The following TSHZ2 variants were observed in gnomAD, a reference collection of about 807,000 sequenced individuals.
The protein encoded by TSHZ2 is teashirt zinc finger homeobox 2.
In TSHZ2, 21 loss-of-function variants were observed where a neutral mutation model predicts 74.4. The ratio of observed to expected loss-of-function variants is 0.28; its 90% CI spans 0.20 to 0.41. The LOEUF (loss-of-function observed/expected upper bound fraction) is 0.41. Among genes scored for constraint, TSHZ2 ranks in the 10% least tolerant of loss-of-function variants. The pLI, the probability that TSHZ2 is intolerant of heterozygous loss-of-function variation, is 1.00. For missense variants in TSHZ2, 1,244 were observed against 1,293.5 expected (o/e 0.96, Z 0.59); for synonymous variants, 540 against 515.3 (o/e 1.05, Z -0.65).
At position 53,161,022 on chromosome 20, in the gene TSHZ2, G is replaced by C. The variant is rs543548110; in HGVS notation, c.41-92477G>C. ...AGCAAATACAGAGGGGAAAGAAACAGCAAAATGTTTGGGGTTTTTTGTTTG... is the reference window on the plus strand; with the variant it reads ...AGCAAATACAGAGGGGAAAGAAACACCAAAATGTTTGGGGTTTTTTGTTTG... On this transcript the variant is annotated intron_variant, in intron 1 of 2. Transcript: ENST00000371497. Among the ~76,000 whole-genome samples the C allele has an allele frequency of 3.3e-4, 41 of 125,620 alleles. 1 individual carries two copies. Among genetic ancestry groups the C allele is most frequent in the African/African-American group, 1.5e-3 (40 of 26,070 alleles). 82.4% of individuals were successfully genotyped at this position (125,620 alleles called of 152,430 possible). A position where few individuals can be genotyped will look rare whatever the true frequency, so the allele number is the denominator to read the frequency against.
chr20:53,363,810 TCAA>T (rs1053174680), intron 2 of TSHZ2, among the ~76,000 whole-genome samples: 5 of 152,156 alleles, frequency 3.3e-5, no homozygotes, highest in Non-Finnish European at 5.9e-5. Flanking sequence ...AGACCCTGTC[TCAA>T]CAACAACATC....
chr20:53,247,060 C>T lies in TSHZ2; in HGVS notation c.41-6439C>T, dbSNP rs577667659. Among the ~76,000 whole-genome samples the T allele has an allele frequency of 3.8e-4, 58 of 152,342 alleles. 1 individual carries two copies. The highest frequency in any genetic ancestry group is 2.6e-3 in the Admixed American group (40 of 15,306). ...TGGCCCCCCATCACTGTACCCACGC[C>T]ATCTCCAGCAGTGCTTTAAACAAAG... is the stretch of plus-strand genomic sequence containing the variant. On this transcript the variant is annotated intron_variant, in intron 1 of 2. Coordinates refer to ENST00000371497, the MANE Select transcript of TSHZ2 (RefSeq NM_173485.6).
At chr20:53,230,883 CAAAAAAA>C (rs958998655) in intron 1 of TSHZ2, among the ~76,000 whole-genome samples, 1 of 140,140 alleles carries the variant, frequency 7.1e-6, no homozygotes, top group Non-Finnish European at 1.6e-5. Context: ...GACTCCATCT[CAAAAAAA>C]AAAGAAAAAA....
chr20:53,246,570 C>T (rs1157659358), intron 1 of TSHZ2, among the ~76,000 whole-genome samples: 1 of 152,190 alleles, frequency 6.6e-6, no homozygotes, highest in Non-Finnish European at 1.5e-5. Flanking sequence ...AACTTCTCTC[C>T]ATAACTCACC....
intron 2 of TSHZ2, among the ~76,000 whole-genome samples, chr20:53,368,917 T>G (rs1205421881): frequency 1.3e-5 from 2 of 152,064 alleles, no homozygotes; most frequent in African/African-American, 4.8e-5. Context: ...AAACATGAAC[T>G]GGGTTCAGTA....
chr20:53,124,822 C>T (rs938642615), intron 1 of TSHZ2, among the ~76,000 whole-genome samples: 5 of 152,178 alleles, frequency 3.3e-5, no homozygotes, highest in African/African-American at 1.2e-4. Context: ...AAGTGACAGA[C>T]ACAGCCAGGG....
At chr20:53,312,099 T>A (rs6063928) in intron 2 of TSHZ2, among the ~76,000 whole-genome samples, 8,177 of 151,552 alleles carry the variant, frequency 0.054, 299 homozygotes, top group Non-Finnish European at 0.073. Context: ...AAAAATTTTT[T>A]TAAAAAAAAT....
At chr20:53,451,934 G>A (rs1012366459) in intron 2 of TSHZ2, among the ~76,000 whole-genome samples, 2 of 152,216 alleles carry the variant, frequency 1.3e-5, no homozygotes, top group South Asian at 2.1e-4. Context: ...CAGGTGAGAA[G>A]AGCCTAGAAA....
intron 1 of TSHZ2, among the ~76,000 whole-genome samples, chr20:53,001,228 G>GTATGTGTGTGTGTGTGTGTGTA (rs57496923): frequency 0.077 from 11,025 of 143,368 alleles, 543 homozygotes; most frequent in Non-Finnish European, 0.098. Flanking sequence ...GTGTGTGTGT[G>GTATGTGTGTGTGTGTGTGTGTA]TGTGTGTGTG....
intron 2 of TSHZ2, among the ~76,000 whole-genome samples, chr20:53,458,597 TCTG>T (rs1358404774): frequency 2.0e-5 from 3 of 152,144 alleles, no homozygotes; most frequent in African/African-American, 7.2e-5. Flanking sequence ...TTTCTTGCCT[TCTG>T]CTAGCTTTTG....
chr20:53,191,679 AACTAC>A (rs1988740545), intron 1 of TSHZ2, among the ~76,000 whole-genome samples: 1 of 152,234 alleles, frequency 6.6e-6, no homozygotes, highest in African/African-American at 2.4e-5. Flanking sequence ...AATTGAGTTA[AACTAC>A]ACATCTTCAC....
rs572086284 is a variant in TSHZ2 at position 53,134,480 on chromosome 20, T to C, written c.41-119019T>C. Reference sequence around the variant, plus strand: ...TAAATTTTCTCATCATTTGACACTTTTTATTGTCTCTGCTTACCATCTGAA... The same window carrying C: ...TAAATTTTCTCATCATTTGACACTTCTTATTGTCTCTGCTTACCATCTGAA... On this transcript the variant is annotated intron_variant, in intron 1 of 2. Transcript: ENST00000371497. 2.0e-5 allele frequency among the ~76,000 whole-genome samples: 3 copies of C among 152,288 alleles called. No individual in the cohort carries two copies. In the South Asian group the frequency reaches 6.2e-4, roughly 32 times the overall value.
At chr20:53,467,495 C>T (rs1214009622) in intron 2 of TSHZ2, among the ~76,000 whole-genome samples, 1 of 152,158 alleles carries the variant, frequency 6.6e-6, no homozygotes, top group Non-Finnish European at 1.5e-5. Context: ...TAATAGAAAT[C>T]ATTAAAGATA....
intron 2 of TSHZ2, among the ~76,000 whole-genome samples, chr20:53,283,114 T>A (rs1991096562): frequency 6.6e-6 from 1 of 152,238 alleles, no homozygotes. Flanking sequence ...TATCTCATTA[T>A]TCCCTTCCCA....
intron 2 of TSHZ2, among the ~76,000 whole-genome samples, chr20:53,274,700 G>A (rs895064456): frequency 2.6e-5 from 4 of 152,228 alleles, no homozygotes; most frequent in Admixed American, 1.3e-4. Flanking sequence ...GCCATGGATG[G>A]TTGAACCAAT....
intron 2 of TSHZ2, among the ~76,000 whole-genome samples, chr20:53,404,907 T>G (rs773979661): frequency 2.1e-4 from 32 of 152,238 alleles, no homozygotes; most frequent in Non-Finnish European, 4.3e-4. Flanking sequence ...TAGACAATTC[T>G]ATTATCTGAC....
chr20:53,079,795 T>G (rs2076204307), intron 1 of TSHZ2, among the ~76,000 whole-genome samples: 1 of 150,790 alleles, frequency 6.6e-6, no homozygotes, highest in East Asian at 2.0e-4. Flanking sequence ...ATAGCTACTA[T>G]AGCTACTAGT....
intron 2 of TSHZ2, among the ~76,000 whole-genome samples, chr20:53,469,782 GAGGGAGGA>G (rs1219136751): frequency 7.4e-5 from 8 of 107,856 alleles, no homozygotes; most frequent in South Asian, 3.7e-4. Flanking sequence ...GGGAGGGAGG[GAGGGAGGA>G]AGGAAGGAAG....
At chr20:53,289,175 G>A (rs558679527) in intron 2 of TSHZ2, among the ~76,000 whole-genome samples, 1 of 137,326 alleles carries the variant, frequency 7.3e-6, no homozygotes, top group African/African-American at 2.5e-5. Flanking sequence ...GTAGTATTCA[G>A]TGGTGTATAT....
Sources: allele counts gnomAD v4.1 joint callset (sites outside exome capture counted in the v4.1 genomes callset), GRCh38; gene constraint gnomAD v4.1.1; transcripts MANE v1.5; gene names NCBI Gene and HGNC (gene_info 2026-07-23, HGNC 2026-07-21).